Variants in CELF4 observed in about 807,000 individuals in gnomAD.
CELF4 encodes CUGBP Elav-like family member 4, also known as CUG-BP- and ETR-3-like factor 4.
In CELF4, 18 loss-of-function variants were observed where a neutral mutation model predicts 59.9. That is an observed-to-expected ratio of 0.30 (90% CI 0.21 to 0.45). The LOEUF is 0.45. Among genes scored for constraint, CELF4 ranks in the 20% least tolerant of loss-of-function variants. The pLI, the probability that CELF4 is intolerant of heterozygous loss-of-function variation, is 1.00. For synonymous variants in CELF4, 261 were observed against 267.1 expected (o/e 0.98, Z 0.22); for missense variants, 456 against 689.0 (o/e 0.66, Z 3.79).
chr18:37,342,157 G>T (rs1430139196), intron 2 of CELF4, among the ~76,000 whole-genome samples: 2 of 151,800 alleles, frequency 1.3e-5, no homozygotes, highest in African/African-American at 4.8e-5. Flanking sequence ...GCCATCCCTG[G>T]CAATTGTGTC....
chr18:37,314,175 G>T (rs1393620781), intron 3 of CELF4, among the ~76,000 whole-genome samples: 1 of 152,158 alleles, frequency 6.6e-6, no homozygotes, highest in Non-Finnish European at 1.5e-5. Flanking sequence ...CCGGCCACAC[G>T]GTGGCTCACG....
At chr18:37,339,654 T>C (rs1291401107) in intron 2 of CELF4, among the ~76,000 whole-genome samples, 2 of 151,366 alleles carry the variant, frequency 1.3e-5, no homozygotes, top group Non-Finnish European at 2.9e-5. Flanking sequence ...CATGGGAGGC[T>C]GAGGCAAGTG....
At chr18:37,396,024 C>A (rs894740711) in intron 2 of CELF4, among the ~76,000 whole-genome samples, 3 of 152,190 alleles carry the variant, frequency 2.0e-5, no homozygotes, top group Non-Finnish European at 4.4e-5. Flanking sequence ...CTTCATAGGT[C>A]CCCCCTTCTG....
At chr18:37,412,705 T>C (rs1007216712) in intron 2 of CELF4, among the ~76,000 whole-genome samples, 1 of 152,150 alleles carries the variant, frequency 6.6e-6, no homozygotes, top group Non-Finnish European at 1.5e-5. Context: ...AATGAATGGA[T>C]GTTACTTCTG....
intron 1 of CELF4, among the ~76,000 whole-genome samples, chr18:37,556,611 T>C (rs1467334162): frequency 6.6e-6 from 1 of 152,124 alleles, no homozygotes; most frequent in Non-Finnish European, 1.5e-5. Flanking sequence ...GCATGGAAGG[T>C]GGTGTCAGGG....
At chr18:37,371,388 C>T (rs1447779476) in intron 2 of CELF4, among the ~76,000 whole-genome samples, 1 of 152,182 alleles carries the variant, frequency 6.6e-6, no homozygotes. Flanking sequence ...CAATAACTGG[C>T]CAGAAGCCCA....
intron 2 of CELF4, among the ~76,000 whole-genome samples, chr18:37,476,044 C>T (rs1198672507): frequency 1.3e-5 from 2 of 152,250 alleles, no homozygotes; most frequent in Non-Finnish European, 2.9e-5. Context: ...AGTCACAGGA[C>T]TTTATTGTGG....
At chr18:37,413,508 T>C (rs1405698075) in intron 2 of CELF4, among the ~76,000 whole-genome samples, 1 of 152,212 alleles carries the variant, frequency 6.6e-6, no homozygotes, top group African/African-American at 2.4e-5. Context: ...AGACAATTTT[T>C]GTTCCCACTC....
chr18:37,395,684 G>A (rs1368641083), intron 2 of CELF4, among the ~76,000 whole-genome samples: 1 of 152,240 alleles, frequency 6.6e-6, no homozygotes, highest in African/African-American at 2.4e-5. Context: ...AGTGGTAGAG[G>A]CGCTGAAGTC....
intron 2 of CELF4, among the ~76,000 whole-genome samples, chr18:37,446,396 C>A (rs2099748330): frequency 6.6e-6 from 1 of 152,100 alleles, no homozygotes; most frequent in Non-Finnish European, 1.5e-5. Flanking sequence ...ACTGGGGGTG[C>A]TGTTGGGCTC....
At chr18:37,381,390 T>C (rs1296223829) in intron 2 of CELF4, among the ~76,000 whole-genome samples, 3 of 152,122 alleles carry the variant, frequency 2.0e-5, no homozygotes, top group Non-Finnish European at 4.4e-5. Flanking sequence ...TGTTTCTGCT[T>C]GACTTAGGCC....
intron 4 of CELF4, 83 bp downstream of exon 4, chr18:37,275,032 C>G: frequency 4.5e-6 from 7 of 1,557,774 alleles, no homozygotes; most frequent in Non-Finnish European, 6.1e-6. Flanking sequence ...CGGCGATGGC[C>G]CCGGAGACTC....
In CELF4 at chr18:37,386,431, G is replaced by A. The variant is rs372464511; in HGVS notation, c.370-64550C>T. 1.1e-3 allele frequency among the ~76,000 whole-genome samples: 162 copies of A among 152,312 alleles called. 3 individuals are homozygous for A. The South Asian group carries it at 0.033, about 31-fold the overall frequency. ...TGGGGAGAGACGGGAAGGCAGTGCT[G>A]TGTGGAGAGGCCAGCTTGAGGGAGA... On this transcript the variant is annotated intron_variant, in intron 2 of 12. Transcript: ENST00000420428.
At chr18:37,350,426 G>C (rs753467063) in intron 2 of CELF4, among the ~76,000 whole-genome samples, 3 of 152,102 alleles carry the variant, frequency 2.0e-5, no homozygotes, top group Non-Finnish European at 4.4e-5. Context: ...AAATCTGCTG[G>C]CCTGTGAATG....
At chr18:37,347,311 G>C (rs2098295971) in intron 2 of CELF4, among the ~76,000 whole-genome samples, 1 of 152,122 alleles carries the variant, frequency 6.6e-6, no homozygotes, top group East Asian at 1.9e-4. Flanking sequence ...TGGCCACGAA[G>C]GGAAGATTCA....
Position 37,553,797 on chromosome 18 carries a change from C to T in CELF4, c.286+11559G>A, listed in dbSNP as rs372052462. 9.9e-4 allele frequency among the ~76,000 whole-genome samples: 150 copies of T among 152,124 alleles called. 1 individual carries two copies. The highest frequency in any genetic ancestry group is 2.9e-3 in the East Asian group (15 of 5,140). ...ACTGGCCAGGGTAAGGGGTAGGGTG[C>T]GGGAGAGGTTTGAGTTGGAGCTCCT... is the stretch of plus-strand genomic sequence containing the variant. On this transcript the variant is annotated intron_variant, in intron 1 of 12. Coordinates refer to ENST00000420428, the MANE Select transcript of CELF4 (RefSeq NM_020180.4).
intron 11 of CELF4, among the ~76,000 whole-genome samples, chr18:37,256,609 C>T (rs757119444): frequency 8.6e-5 from 13 of 152,044 alleles, no homozygotes; most frequent in South Asian, 2.1e-4. Flanking sequence ...ATTTTTGAGA[C>T]GGAGTATTGC....
rs751784174 is a variant in CELF4, at chr18:37,266,506, G to A, written c.1165+27C>T. On this transcript the variant is annotated intron_variant, in intron 9 of 12. Transcript: ENST00000420428. ...GGAGAGATAAACGGAGTTGGGGAAGGAGCCGTGGGGACGCGTGGATACTAA... is the reference window on the plus strand; with the variant it reads ...GGAGAGATAAACGGAGTTGGGGAAGAAGCCGTGGGGACGCGTGGATACTAA... The A allele has an allele frequency of 6.2e-5, 97 of 1,574,396 alleles. 1 individual carries two copies. The South Asian group carries it at 8.4e-4, about 14-fold the overall frequency.
At chr18:37,294,522 G>C (rs2095530438) in intron 3 of CELF4, among the ~76,000 whole-genome samples, 1 of 152,214 alleles carries the variant, frequency 6.6e-6, no homozygotes, top group South Asian at 2.1e-4. Context: ...TCACCCTGGT[G>C]AACCACTGTG....
Sources: allele counts gnomAD v4.1 joint callset (sites outside exome capture counted in the v4.1 genomes callset), GRCh38; gene constraint gnomAD v4.1.1; transcripts MANE v1.5; gene names NCBI Gene and HGNC (gene_info 2026-07-23, HGNC 2026-07-21).